SGK1: variants seen among roughly 807,000 people sequenced by gnomAD.
SGK1 encodes the protein serine/threonine-protein kinase Sgk1.
In SGK1, 26 loss-of-function variants were observed where a neutral mutation model predicts 64.2. The observed-to-expected ratio is 0.40, with a 90% CI of 0.30 to 0.56. SGK1 has a LOEUF of 0.56. SGK1 is among the 20% of genes least tolerant of loss of function. The probability of loss-of-function intolerance (pLI) is 0.38; values close to 1 mark genes in which losing one functional copy is unlikely to be tolerated. For synonymous variants in SGK1, 265 were observed against 239.7 expected (o/e 1.11, Z -0.98); for missense variants, 519 against 645.6 (o/e 0.80, Z 2.12).
At chr6:134,229,187 GGGA>G (rs1040977172) in intron 2 of SGK1, among the ~76,000 whole-genome samples, 26 of 152,360 alleles carry the variant, frequency 1.7e-4, no homozygotes, top group South Asian at 1.0e-3. Flanking sequence ...AGAGATACTA[GGGA>G]GGAGATTTAC....
At chr6:134,185,883 T>C (rs1243306759) in intron 3 of SGK1, among the ~76,000 whole-genome samples, 1 of 152,116 alleles carries the variant, frequency 6.6e-6, no homozygotes, top group Non-Finnish European at 1.5e-5. Flanking sequence ...AAGAAGCATG[T>C]ATCCCAGTTC....
intron 2 of SGK1, among the ~76,000 whole-genome samples, chr6:134,218,040 T>C (rs911885368): frequency 9.2e-5 from 14 of 152,200 alleles, no homozygotes; most frequent in Non-Finnish European, 1.8e-4. Context: ...TCAGGTCAAA[T>C]GTCTATTAAA....
At chr6:134,251,134 G>A (rs902410242) in intron 2 of SGK1, among the ~76,000 whole-genome samples, 1 of 151,886 alleles carries the variant, frequency 6.6e-6, no homozygotes, top group Non-Finnish European at 1.5e-5. Context: ...TTCACTACAG[G>A]GATGTTACTT....
Position 134,174,587 on chromosome 6 carries a change from C to T in SGK1, c.362-1G>A, listed in dbSNP as rs186450029. 1.9e-6 allele frequency: 3 copies of T among 1,613,580 alleles called. No homozygotes were observed. The highest frequency in any genetic ancestry group is 1.7e-6 in the Non-Finnish European group (2 of 1,179,474). ...CCCATCCTCCTCTGCTTCATGAAAGCTGTGGATGAAGGAGGAGAAATAAAG... is the reference window on the plus strand; with the variant it reads ...CCCATCCTCCTCTGCTTCATGAAAGTTGTGGATGAAGGAGGAGAAATAAAG... On this transcript the variant is annotated splice_acceptor_variant, in intron 3 of 13. Coordinates refer to ENST00000367858, the MANE Select transcript of SGK1 (RefSeq NM_001143676.3). LOFTEE classifies it high-confidence loss of function.
At chr6:134,246,911 G>A (rs1340407518) in intron 2 of SGK1, among the ~76,000 whole-genome samples, 1 of 152,134 alleles carries the variant, frequency 6.6e-6, no homozygotes, top group Non-Finnish European at 1.5e-5. Flanking sequence ...TTTATAAATG[G>A]GAAACTTAAA....
chr6:134,208,898 A>ATATATG (rs1468387437), intron 2 of SGK1, among the ~76,000 whole-genome samples: 1 of 142,898 alleles, frequency 7.0e-6, no homozygotes, highest in Non-Finnish European at 1.5e-5. Flanking sequence ...ATGTGTGTGT[A>ATATATG]TATATATATA....
chr6:134,197,197 C>G lies in SGK1; in HGVS notation c.361+10159G>C, dbSNP rs182667070. On this transcript the variant is annotated intron_variant, in intron 3 of 13. Transcript: ENST00000367858. The stretch of plus-strand genomic sequence containing the variant: ...ACAGTAAGCCGTGATCGCACTACCG[C>G]ACTCCAGCCTGGGTGACAAAATAAG... Among the ~76,000 whole-genome samples the G allele has an allele frequency of 5.9e-5, 9 of 152,230 alleles. 1 individual carries two copies. Among genetic ancestry groups the G allele is most frequent in the Non-Finnish European group, 1.2e-4 (8 of 68,024 alleles).
At chr6:134,242,795 C>G (rs1264694444) in intron 2 of SGK1, among the ~76,000 whole-genome samples, 2 of 152,106 alleles carry the variant, frequency 1.3e-5, no homozygotes, top group Non-Finnish European at 2.9e-5. Context: ...AAACAGTAAT[C>G]TGTCCTTGAG....
intron 3 of SGK1, among the ~76,000 whole-genome samples, chr6:134,189,051 T>A (rs1027866279): frequency 6.6e-6 from 1 of 150,486 alleles, no homozygotes; most frequent in African/African-American, 2.4e-5. Context: ...ACCCAGACAA[T>A]TTTTTTTTAC....
chr6:134,201,801 A>G (rs1302528149), intron 3 of SGK1, among the ~76,000 whole-genome samples: 1 of 152,216 alleles, frequency 6.6e-6, no homozygotes. Flanking sequence ...TTGTGGATGG[A>G]TGGCTATGGA....
rs1326282011 is a variant in SGK1, at chr6:134,171,397, A to G, written c.1168-219T>C. ...GTGGAGGGTGAGGGGGTAGATGTTA[A>G]TAAGTGGTAGTTTTTCACCACCACA... On this transcript the variant is annotated intron_variant, in intron 11 of 13. Transcript: ENST00000367858. 21 of 614,434 alleles carry G rather than the reference A, an allele frequency of 3.4e-5. No individual in the cohort carries two copies. In the Middle Eastern group the frequency reaches 1.3e-3, roughly 38 times the overall value. The allele number at this position is 614,434 out of a possible 1,614,324, so 38.1% of individuals were successfully genotyped here. A position where few individuals can be genotyped will look rare whatever the true frequency, so the allele number is the denominator to read the frequency against.
At chr6:134,175,434 C>A in intron 3 of SGK1, 1 of 1,309,652 alleles carries the variant, frequency 7.6e-7, no homozygotes, top group East Asian at 3.1e-5. Flanking sequence ...TCCTCCCGTT[C>A]CCGCCGCCGG....
intron 2 of SGK1, among the ~76,000 whole-genome samples, chr6:134,240,196 G>T (rs1776421844): frequency 6.6e-6 from 1 of 151,288 alleles, no homozygotes; most frequent in Non-Finnish European, 1.5e-5. Flanking sequence ...GGAGGCTGAG[G>T]CAGGAGAATC....
At chr6:134,296,240 C>T (rs1393643314) in intron 1 of SGK1, among the ~76,000 whole-genome samples, 2 of 152,150 alleles carry the variant, frequency 1.3e-5, no homozygotes, top group Admixed American at 6.5e-5. Flanking sequence ...GAGAGATGAT[C>T]ATTGGACATT....
chr6:134,255,147 G>C lies in SGK1; in HGVS notation c.285+6786C>G, dbSNP rs563763100. ...GCCTCCCAAAGTGCTGGGATTACAG[G>C]CGTGAGCCACCGTGCCCGGCTACAA... On this transcript the variant is annotated intron_variant, in intron 2 of 13. Coordinates refer to ENST00000367858, the MANE Select transcript of SGK1 (RefSeq NM_001143676.3). 1.8e-3 allele frequency among the ~76,000 whole-genome samples: 281 copies of C among 152,296 alleles called. 1 individual carries two copies. Among genetic ancestry groups the C allele is most frequent in the Non-Finnish European group, 3.2e-3 (219 of 68,032 alleles).
At chr6:134,309,260 TA>T (rs1777577352) in intron 1 of SGK1, among the ~76,000 whole-genome samples, 1 of 151,848 alleles carries the variant, frequency 6.6e-6, no homozygotes, top group Admixed American at 6.6e-5. Flanking sequence ...GATGTGAGAG[TA>T]AACAAACTAT....
At chr6:134,257,700 G>C (rs199518438) in intron 2 of SGK1, among the ~76,000 whole-genome samples, 1 of 152,106 alleles carries the variant, frequency 6.6e-6, no homozygotes, top group African/African-American at 2.4e-5. Flanking sequence ...TTTGTGGCTT[G>C]CCTGAATTCC....
chr6:134,264,596 C>T (rs1231863954), intron 1 of SGK1, among the ~76,000 whole-genome samples: 1 of 152,128 alleles, frequency 6.6e-6, no homozygotes, highest in Non-Finnish European at 1.5e-5. Context: ...GAAGTAAAAT[C>T]ACAGTACTGA....
intron 1 of SGK1, among the ~76,000 whole-genome samples, chr6:134,299,326 C>A (rs1245005354): frequency 6.6e-6 from 1 of 152,100 alleles, no homozygotes; most frequent in African/African-American, 2.4e-5. Flanking sequence ...GATTGTGCCA[C>A]TGCCTTCTAG....
Sources: allele counts gnomAD v4.1 joint callset (sites outside exome capture counted in the v4.1 genomes callset), GRCh38; gene constraint gnomAD v4.1.1; transcripts MANE v1.5; gene names NCBI Gene and HGNC (gene_info 2026-07-23, HGNC 2026-07-21).